The following ITSN1 variants were observed in gnomAD, a reference collection of about 807,000 sequenced individuals.
The protein encoded by ITSN1 is intersectin-1.
In ITSN1, 58 loss-of-function variants were observed where a neutral mutation model predicts 239.8. That is an observed-to-expected ratio of 0.24 (90% CI 0.20 to 0.30). The LOEUF is 0.30. ITSN1 is among the 10% of genes least tolerant of loss of function. The pLI is 1.00. For missense variants in ITSN1, 1,558 were observed against 2,103.3 expected (o/e 0.74, Z 5.07); for synonymous variants, 780 against 770.8 (o/e 1.01, Z -0.20).
At chr21:33,701,240 A>G (rs1482204916) in intron 1 of ITSN1, among the ~76,000 whole-genome samples, 2 of 152,194 alleles carry the variant, frequency 1.3e-5, no homozygotes, top group East Asian at 1.9e-4. Context: ...TTGGAACTAT[A>G]GGCACATGCC....
At chr21:33,775,763 A>G (rs1691676369) in intron 14 of ITSN1, among the ~76,000 whole-genome samples, 2 of 152,224 alleles carry the variant, frequency 1.3e-5, no homozygotes, top group Admixed American at 1.3e-4. Flanking sequence ...TGGTAATTAC[A>G]ATAAATAAGT....
intron 1 of ITSN1, among the ~76,000 whole-genome samples, chr21:33,695,532 T>G (rs2091755385): frequency 6.6e-6 from 1 of 152,244 alleles, no homozygotes; most frequent in African/African-American, 2.4e-5. Context: ...CTCTGCTGGA[T>G]TTTGCAAGCG....
At chr21:33,646,786 A>C (rs1202657279) in intron 1 of ITSN1, among the ~76,000 whole-genome samples, 1 of 152,240 alleles carries the variant, frequency 6.6e-6, no homozygotes, top group African/African-American at 2.4e-5. Flanking sequence ...CCATTTAATT[A>C]TTGTACTACT....
chr21:33,770,930 A>AT lies in ITSN1; in HGVS notation c.1043-1124dup, dbSNP rs1370392307. ...AGGTGCCTGCCACCACACCTGGCTA[A>AT]TTTTTTTGTATTTTTAGTAGAGACT... On this transcript the variant is annotated intron_variant, in intron 11 of 39. Coordinates refer to ENST00000381318, the MANE Select transcript of ITSN1 (RefSeq NM_003024.3). Among the ~76,000 whole-genome samples the AT allele has an allele frequency of 1.3e-5, 2 of 151,488 alleles. 1 individual carries two copies. Among genetic ancestry groups the AT allele is most frequent in the Admixed American group, 1.3e-4 (2 of 15,206 alleles).
At chr21:33,885,306 G>T (rs767940185) in intron 37 of ITSN1, 133 bp from the exon 38 acceptor site, 8 of 1,019,004 alleles carry the variant, frequency 7.9e-6, no homozygotes, top group Non-Finnish European at 1.2e-5. Flanking sequence ...GAGCAAGGAA[G>T]CAAGTGTTTA....
At chr21:33,657,138 T>C (rs1422736557) in intron 1 of ITSN1, among the ~76,000 whole-genome samples, 1 of 152,232 alleles carries the variant, frequency 6.6e-6, no homozygotes, top group Non-Finnish European at 1.5e-5. Flanking sequence ...GCCCAAGTAG[T>C]GAACATAGCA....
chr21:33,777,307 A>T (rs567725657), intron 14 of ITSN1, among the ~76,000 whole-genome samples: 2 of 152,232 alleles, frequency 1.3e-5, no homozygotes, highest in South Asian at 4.1e-4. Flanking sequence ...TCTGGACTCT[A>T]TTCTGTTCTT....
At chr21:33,708,008 G>T (rs2092302418) in intron 1 of ITSN1, among the ~76,000 whole-genome samples, 1 of 152,186 alleles carries the variant, frequency 6.6e-6, no homozygotes, top group African/African-American at 2.4e-5. Context: ...TCAGCAGTGT[G>T]TAGAGCTGTT....
chr21:33,676,041 T>G (rs2090570873), intron 1 of ITSN1, among the ~76,000 whole-genome samples: 1 of 152,082 alleles, frequency 6.6e-6, no homozygotes, highest in African/African-American at 2.4e-5. Context: ...TTTTTGTTTT[T>G]TTTTTTGTTT....
At chr21:33,738,641 C>A (rs1216560045) in intron 5 of ITSN1, among the ~76,000 whole-genome samples, 1 of 151,938 alleles carries the variant, frequency 6.6e-6, no homozygotes, top group Admixed American at 6.6e-5. Flanking sequence ...ACCTTGTGAT[C>A]CACCCGCCTC....
chr21:33,682,246 A>C (rs573105996), intron 1 of ITSN1, among the ~76,000 whole-genome samples: 4 of 133,550 alleles, frequency 3.0e-5, no homozygotes, highest in East Asian at 2.2e-4. Flanking sequence ...ATGGAGTTTC[A>C]CTCTTGTTGC....
At chr21:33,731,517 A>AAAGC (rs1334035406) in intron 4 of ITSN1, among the ~76,000 whole-genome samples, 1 of 152,256 alleles carries the variant, frequency 6.6e-6, no homozygotes, top group Non-Finnish European at 1.5e-5. Context: ...GTACAAAAAT[A>AAAGC]AAGCAACCAG....
In ITSN1 at chr21:33,883,497, G is replaced by A. The variant is rs576374961; in HGVS notation, c.4555-53G>A. 206 of 1,602,196 alleles carry A rather than the reference G, an allele frequency of 1.3e-4. 1 individual carries two copies. In the African/African-American group the frequency reaches 1.9e-3, roughly 15 times the overall value. On this transcript the variant is annotated intron_variant, in intron 35 of 39. Transcript: ENST00000381318. ...TGTGCTCACACACTCACGGTTTACCGGAGCACACAGACCCCCAGCCTCGCT... is the reference window on the plus strand; with the variant it reads ...TGTGCTCACACACTCACGGTTTACCAGAGCACACAGACCCCCAGCCTCGCT...
intron 1 of ITSN1, among the ~76,000 whole-genome samples, chr21:33,682,041 G>A (rs965318254): frequency 1.3e-5 from 2 of 150,696 alleles, no homozygotes; most frequent in African/African-American, 2.4e-5. Flanking sequence ...TTTCTTGGGG[G>A]TCATTTTGCC....
chr21:33,737,406 T>G (rs908896189), intron 5 of ITSN1, among the ~76,000 whole-genome samples: 4 of 152,162 alleles, frequency 2.6e-5, no homozygotes. Context: ...CCATGAAGGA[T>G]ATCAGAACAT....
intron 20 of ITSN1, among the ~76,000 whole-genome samples, chr21:33,803,332 T>C (rs1435692703): frequency 6.6e-6 from 1 of 152,228 alleles, no homozygotes; most frequent in African/African-American, 2.4e-5. Flanking sequence ...TTCCTCTCAT[T>C]CTTCTCCTTC....
At chr21:33,783,496 G>A (rs1353415625) in intron 16 of ITSN1, among the ~76,000 whole-genome samples, 2 of 152,080 alleles carry the variant, frequency 1.3e-5, no homozygotes, top group African/African-American at 4.8e-5. Flanking sequence ...CTTACATGGT[G>A]TGTGTTTGTG....
chr21:33,748,975 G>A (rs1013361559), intron 5 of ITSN1, among the ~76,000 whole-genome samples: 3 of 145,502 alleles, frequency 2.1e-5, no homozygotes, highest in African/African-American at 7.8e-5. Flanking sequence ...TAAAAAAGAA[G>A]GTAAGCTTTT....
rs772722021 is a variant in ITSN1, at chr21:33,882,310, A to G, written c.4409A>G (p.Tyr1470Cys). 19 of 1,614,102 alleles carry G rather than the reference A, an allele frequency of 1.2e-5. No individual in the cohort carries two copies. The Admixed American group carries it at 2.2e-4, about 18-fold the overall frequency. Reference sequence around the variant, plus strand: ...AAATTTCTGCACAGTGGGAAGCTCTACAAGGCCAAGAGCAACAAGGAGCTG... The same window carrying G: ...AAATTTCTGCACAGTGGGAAGCTCTGCAAGGCCAAGAGCAACAAGGAGCTG... ...PRKFLHSGKLYKAKSNKELYG... is the reference protein window; with the variant it reads ...PRKFLHSGKLCKAKSNKELYG... The change falls in exon 35 of 40, where the codon TAC (tyrosine) becomes TGC (cysteine). Residue 1470 changes from tyrosine to cysteine, a missense_variant. Physicochemically the swap from Tyr to Cys is radical, Grantham distance 194 (BLOSUM62 -2). This residue lies in a region of ITSN1 where 576 missense variants were observed against 893.3 expected (regional missense o/e 0.64). Coordinates refer to ENST00000381318, the MANE Select transcript of ITSN1 (RefSeq NM_003024.3). This position sits in a 1 kb window ranked among gnomAD's most constrained non-coding sequence, Gnocchi z 4.5.
Sources: allele counts gnomAD v4.1 joint callset (sites outside exome capture counted in the v4.1 genomes callset), GRCh38; gene constraint gnomAD v4.1.1; regional missense constraint gnomAD v4.1.1; non-coding constraint Gnocchi (gnomAD v3.1); transcripts MANE v1.5; gene names NCBI Gene and HGNC (gene_info 2026-07-23, HGNC 2026-07-21).